DENND4A: variants seen among roughly 807,000 people sequenced by gnomAD.
DENND4A encodes the protein DENN domain containing 4A, also known as C-myc promoter-binding protein.
A neutral mutation model predicts 199.3 loss-of-function variants in DENND4A; 70 were observed. The observed-to-expected ratio is 0.35, with a 90% CI of 0.29 to 0.43. The LOEUF (loss-of-function observed/expected upper bound fraction) is 0.43, where lower values mean the gene tolerates loss of function less well. Among genes scored for constraint, DENND4A ranks in the 20% least tolerant of loss-of-function variants. The pLI, the probability that DENND4A is intolerant of heterozygous loss-of-function variation, is 1.00. For missense variants in DENND4A, 1,723 were observed against 2,255.8 expected, an observed-to-expected ratio of 0.76 and a Z score of 4.78; for synonymous variants, 686 against 766.9, an observed-to-expected ratio of 0.89 and a Z score of 1.74.
chr15:65,739,284 A>T (rs2076189795), intron 5 of DENND4A, among the ~76,000 whole-genome samples: 1 of 152,228 alleles, frequency 6.6e-6, no homozygotes. Flanking sequence ...TAAAATTCAT[A>T]TCCCATAGGA....
At chr15:65,783,631 T>C (rs2077491624) in intron 1 of DENND4A, among the ~76,000 whole-genome samples, 1 of 152,086 alleles carries the variant, frequency 6.6e-6, no homozygotes, top group Non-Finnish European at 1.5e-5. Context: ...GCAGGAAATA[T>C]ACAAGATGAG....
At chr15:65,678,779 C>T (rs2076472735) in intron 23 of DENND4A, among the ~76,000 whole-genome samples, 1 of 152,192 alleles carries the variant, frequency 6.6e-6, no homozygotes, top group Non-Finnish European at 1.5e-5. Context: ...AGCCTCGACT[C>T]CTCAGGCTCA....
Position 65,690,750 on chromosome 15 carries a change from T to C in DENND4A, c.3844A>G (p.Lys1282Glu), listed in dbSNP as rs764143798. The change falls in exon 23 of 33, where the codon AAG (lysine) becomes GAG (glutamate). Residue 1282 changes from lysine to glutamate, a missense_variant. Physicochemically the swap from Lys to Glu is moderately conservative, Grantham distance 56. Transcript: ENST00000443035. Reference sequence around the variant, plus strand: ...GCCTTGACCAATGGTGGACTTTTCTTATTTAATTTATCATCACATGCCCGT... The same window carrying C: ...GCCTTGACCAATGGTGGACTTTTCTCATTTAATTTATCATCACATGCCCGT... ...LQRACDDKLN[K>E]KSPPLVKACR... 4 of 1,613,620 alleles carry C rather than the reference T, an allele frequency of 2.5e-6. No individual in the cohort carries two copies. The African/African-American group carries it at 4.0e-5, about 16-fold the overall frequency.
At chr15:65,753,237 GA>G (rs1166803673) in intron 3 of DENND4A, among the ~76,000 whole-genome samples, 1 of 151,742 alleles carries the variant, frequency 6.6e-6, no homozygotes, top group Admixed American at 6.6e-5. Flanking sequence ...AAGCACTAAG[GA>G]ACACTAAAAA....
rs77421887 is a variant in DENND4A at position 65,706,447 on chromosome 15, AACACACACACACACACACAC to A, written c.1954-243_1954-224del. ...CTTTTGAATAAGAAAAGGGGAAAATAACACACACACACACACACACACACACACACACACACACACACACA... is the reference window on the plus strand; with the variant it reads ...CTTTTGAATAAGAAAAGGGGAAAATAACACACACACACACACACACACACA... On this transcript the variant is annotated intron_variant, in intron 14 of 32. Transcript: ENST00000443035. 3.1e-3 allele frequency among the ~76,000 whole-genome samples: 404 copies of A among 130,320 alleles called. 5 individuals are homozygous for A. The East Asian group carries it at 0.039, about 13-fold the overall frequency. 85.5% of individuals were successfully genotyped at this position (130,320 alleles called of 152,430 possible). A position where few individuals can be genotyped will look rare whatever the true frequency, so the allele number is the denominator to read the frequency against.
At chr15:65,697,449 G>T in intron 20 of DENND4A, 66 bp from the exon 21 acceptor site, 1 of 958,494 alleles carries the variant, frequency 1.0e-6, no homozygotes. Flanking sequence ...CTGGAATTAG[G>T]AGCAACATAC....
At chr15:65,699,886 CCAGA>C (rs1192581503) in intron 20 of DENND4A, among the ~76,000 whole-genome samples, 3 of 151,566 alleles carry the variant, frequency 2.0e-5, no homozygotes, top group Non-Finnish European at 4.4e-5. Context: ...GTTATGTTGC[CCAGA>C]CAGTCTCAAA....
At chr15:65,732,867 C>T in intron 7 of DENND4A, 49 bp from the exon 8 acceptor site, 2 of 1,135,288 alleles carry the variant, frequency 1.8e-6, no homozygotes, top group Non-Finnish European at 1.3e-6. Context: ...ACGTCATATG[C>T]TATAAAGCTC....
At chr15:65,707,160 A>G (rs1596484457) in intron 14 of DENND4A, among the ~76,000 whole-genome samples, 1 of 152,158 alleles carries the variant, frequency 6.6e-6, no homozygotes, top group East Asian at 1.9e-4. Flanking sequence ...CTTTGGTAGT[A>G]CTATTTCCAC....
At chr15:65,696,291 T>TA (rs976308886) in intron 22 of DENND4A, 75 bp downstream of exon 22, 6 of 1,512,746 alleles carry the variant, frequency 4.0e-6, no homozygotes, top group Non-Finnish European at 4.4e-6. Flanking sequence ...TTAAGACTAT[T>TA]AAAAAAATAA....
In DENND4A at chr15:65,661,627, G is replaced by T; in HGVS notation, c.*224C>A. 2.7e-6 allele frequency: 1 copy of T among 364,652 alleles called. No homozygotes were observed. The highest frequency in any genetic ancestry group is 4.9e-6 in the Non-Finnish European group (1 of 204,114). The allele number at this position is 364,652 out of a possible 1,614,324, so 22.6% of individuals were successfully genotyped here. ...AAAAATACTTTATTTCCTATTACAG[G>T]GGAGTTAAAGAAGAAGAAAAAAGAA... On this transcript the variant is annotated 3_prime_UTR_variant, in exon 33 of 33. Transcript: ENST00000443035.
intron 2 of DENND4A, 127 bp from the exon 3 acceptor site, chr15:65,756,599 T>C (rs2076707589): frequency 3.8e-6 from 2 of 532,252 alleles, no homozygotes; most frequent in South Asian, 7.6e-5. Flanking sequence ...AGTAGCATTG[T>C]ATATTTAACT....
intron 23 of DENND4A, among the ~76,000 whole-genome samples, chr15:65,685,278 C>T (rs1415183805): frequency 1.3e-5 from 2 of 152,172 alleles, no homozygotes; most frequent in African/African-American, 4.8e-5. Flanking sequence ...AGGCGCCTGG[C>T]ACCGTGCCCG....
At position 65,664,399 on chromosome 15, in the gene DENND4A, G is replaced by T; in HGVS notation, c.5523-5C>A. On this transcript the variant is annotated splice_polypyrimidine_tract_variant and splice_region_variant and intron_variant, in intron 31 of 32. Coordinates refer to ENST00000443035, the MANE Select transcript of DENND4A (RefSeq NM_001320835.1). ...AGTATTTCTCTGTATAAACTCCTAG[G>T]GAGAAAAAGTCATGGAGAAAATATT... 1 of 1,592,548 alleles carries T rather than the reference G, an allele frequency of 6.3e-7. No homozygotes were observed. Among genetic ancestry groups the T allele is most frequent in the Non-Finnish European group, 8.5e-7 (1 of 1,169,634 alleles).
intron 7 of DENND4A, among the ~76,000 whole-genome samples, chr15:65,734,388 C>T (rs1451540131): frequency 6.6e-6 from 1 of 152,130 alleles, no homozygotes; most frequent in Non-Finnish European, 1.5e-5. Context: ...ACCCTCTCCC[C>T]ACTATTGTCT....
intron 20 of DENND4A, among the ~76,000 whole-genome samples, chr15:65,699,024 C>T (rs1173020615): frequency 6.6e-6 from 1 of 152,078 alleles, no homozygotes; most frequent in Non-Finnish European, 1.5e-5. Flanking sequence ...AGGTGTGAGC[C>T]ACTGCACCAG....
In DENND4A at chr15:65,722,867, C is replaced by A; in HGVS notation, c.1569G>T (p.Leu523Phe). ...ACTTACATTTTGCCAATTGCTGATG[C>A]AAATTATTCAGTGTGTTCATCAGAT... ...CKNLMNTLNN[L>F]HQQLAKLQQR... The change falls in exon 12 of 33, where the codon TTG becomes TTT. Residue 523 changes from leucine (L) to phenylalanine (F), a missense_variant. By Grantham distance (22) the Leu-to-Phe change is conservative. This residue lies in a region of DENND4A where 725 missense variants were observed against 952.9 expected (regional missense o/e 0.76). Coordinates refer to ENST00000443035, the MANE Select transcript of DENND4A (RefSeq NM_001320835.1). 1 of 1,603,380 alleles carries A rather than the reference C, an allele frequency of 6.2e-7. No individual in the cohort carries two copies. Among genetic ancestry groups the A allele is most frequent in the Non-Finnish European group, 8.5e-7 (1 of 1,175,764 alleles).
At chr15:65,745,545 A>C (rs1223435567) in intron 4 of DENND4A, among the ~76,000 whole-genome samples, 1 of 152,154 alleles carries the variant, frequency 6.6e-6, no homozygotes, top group Non-Finnish European at 1.5e-5. Context: ...GAATATGTAA[A>C]AGTCAAGCAG....
rs754930062 is a variant in DENND4A, at chr15:65,696,500, G to A, written c.2951-3C>T. 6 of 1,603,678 alleles carry A rather than the reference G, an allele frequency of 3.7e-6. No homozygotes were observed. The African/African-American group carries it at 6.7e-5, about 18-fold the overall frequency. The stretch of plus-strand genomic sequence containing the variant: ...TTTTGTACTCTCACTCTCTGACACT[G>A]TAAAGATGAAAATGAAAATGTTAAT... On this transcript the variant is annotated splice_region_variant and splice_polypyrimidine_tract_variant and intron_variant, in intron 21 of 32. Transcript: ENST00000443035.
Sources: allele counts gnomAD v4.1 joint callset (sites outside exome capture counted in the v4.1 genomes callset), GRCh38; gene constraint gnomAD v4.1.1; regional missense constraint gnomAD v4.1.1; transcripts MANE v1.5; gene names NCBI Gene and HGNC (gene_info 2026-07-23, HGNC 2026-07-21).